The following DOCK3 variants were observed in gnomAD, a reference collection of about 807,000 sequenced individuals.
DOCK3 encodes dedicator of cytokinesis 3, also known as dedicator of cytokinesis protein 3.
DOCK3 carries 60 observed loss-of-function variants against 265.6 expected under a neutral mutation model. The ratio of observed to expected loss-of-function variants is 0.23; its 90% confidence interval spans 0.18 to 0.28. The LOEUF is 0.28. Among genes scored for constraint, DOCK3 ranks in the 10% least tolerant of loss-of-function variants. The pLI, the probability that DOCK3 is intolerant of heterozygous loss-of-function variation, is 1.00. For synonymous variants in DOCK3, 881 were observed against 938.0 expected, an observed-to-expected ratio of 0.94 and a Z score of 1.11; for missense variants, 1,981 against 2,594.3, an observed-to-expected ratio of 0.76 and a Z score of 5.14.
intron 5 of DOCK3, among the ~76,000 whole-genome samples, chr3:51,031,078 A>G (rs2080028530): frequency 6.6e-6 from 1 of 152,220 alleles, no homozygotes; most frequent in Non-Finnish European, 1.5e-5. Context: ...GGGCGGCTGG[A>G]AACTATCATC....
intron 1 of DOCK3, among the ~76,000 whole-genome samples, chr3:50,724,941 C>T (rs562777129): frequency 1.4e-4 from 21 of 151,262 alleles, no homozygotes; most frequent in South Asian, 6.3e-4. Flanking sequence ...TGCAGTGAGC[C>T]GAGATAGTGC....
chr3:50,743,498 G>T (rs1271590740), intron 1 of DOCK3, among the ~76,000 whole-genome samples: 1 of 148,728 alleles, frequency 6.7e-6, no homozygotes, highest in Non-Finnish European at 1.5e-5. Flanking sequence ...GATGGAGGAA[G>T]ATCTACCAAG....
At chr3:50,978,705 T>C (rs1394274778) in intron 5 of DOCK3, among the ~76,000 whole-genome samples, 1 of 152,242 alleles carries the variant, frequency 6.6e-6, no homozygotes, top group African/African-American at 2.4e-5. Context: ...TTTGTTTACC[T>C]AAGCAAGCCT....
intron 27 of DOCK3, among the ~76,000 whole-genome samples, chr3:51,293,727 A>G (rs145709863): frequency 1.4e-4 from 21 of 152,354 alleles, no homozygotes; most frequent in African/African-American, 5.0e-4. Context: ...AGGGACTAAT[A>G]TCCAAAATAT....
chr3:51,225,359 C>T (rs1212089971), intron 14 of DOCK3, among the ~76,000 whole-genome samples: 5 of 152,164 alleles, frequency 3.3e-5, no homozygotes, highest in African/African-American at 1.2e-4. Flanking sequence ...AGCCATTCTC[C>T]TGGAGGGGAG....
chr3:51,095,236 T>C (rs2082796288), intron 9 of DOCK3, among the ~76,000 whole-genome samples: 1 of 152,204 alleles, frequency 6.6e-6, no homozygotes, highest in Non-Finnish European at 1.5e-5. Context: ...CATTCGTTGA[T>C]ACAGTTTCTT....
Position 51,359,606 on chromosome 3 carries a change from T to A in DOCK3, c.4885-905T>A, listed in dbSNP as rs1321908826. 2.0e-5 allele frequency among the ~76,000 whole-genome samples: 3 copies of A among 152,246 alleles called. No homozygotes were observed. Among genetic ancestry groups the A allele is most frequent in the Admixed American group, 6.5e-5 (1 of 15,282 alleles). The stretch of plus-strand genomic sequence containing the variant: ...ATCACAGCAGGTGACCCAAGCAGGC[T>A]GGAGCCTGGCCAGTGAGGAGGTTCT... On this transcript the variant is annotated intron_variant, in intron 46 of 52. Transcript: ENST00000266037. This position sits in a 1 kb window ranked among gnomAD's most constrained non-coding sequence, Gnocchi z 4.8.
At chr3:51,338,280 C>A in intron 35 of DOCK3, 79 bp from the exon 36 acceptor site, 1 of 1,485,084 alleles carries the variant, frequency 6.7e-7, no homozygotes, top group Non-Finnish European at 9.2e-7. Flanking sequence ...CATACTAATG[C>A]CCCAGTGATA....
chr3:51,049,483 C>G (rs1174292586), intron 5 of DOCK3, among the ~76,000 whole-genome samples: 1 of 152,098 alleles, frequency 6.6e-6, no homozygotes, highest in Non-Finnish European at 1.5e-5. Flanking sequence ...AAATGGCTAG[C>G]TAACTTTATG....
At chr3:50,795,246 C>A (rs1402305517) in intron 2 of DOCK3, among the ~76,000 whole-genome samples, 2 of 152,226 alleles carry the variant, frequency 1.3e-5, no homozygotes, top group East Asian at 3.9e-4. Flanking sequence ...TACTGGGGTT[C>A]TCTGCATTTC....
At chr3:50,808,447 A>G (rs1415191977) in intron 2 of DOCK3, among the ~76,000 whole-genome samples, 1 of 152,226 alleles carries the variant, frequency 6.6e-6, no homozygotes, top group East Asian at 1.9e-4. Context: ...ATGGTACCAG[A>G]TATCAAGATT....
chr3:50,938,191 A>C (rs935385058), intron 5 of DOCK3, among the ~76,000 whole-genome samples: 2 of 152,134 alleles, frequency 1.3e-5, no homozygotes, highest in Non-Finnish European at 2.9e-5. Flanking sequence ...CCAGGGAAAA[A>C]GGGACATTAT....
intron 2 of DOCK3, among the ~76,000 whole-genome samples, chr3:50,801,340 T>A (rs1288931708): frequency 1.3e-5 from 2 of 152,034 alleles, no homozygotes; most frequent in Non-Finnish European, 2.9e-5. Flanking sequence ...GGAAAAATGG[T>A]TATGGCAGAG....
At chr3:51,168,977 A>C (rs2086542253) in intron 12 of DOCK3, among the ~76,000 whole-genome samples, 1 of 151,428 alleles carries the variant, frequency 6.6e-6, no homozygotes, top group Non-Finnish European at 1.5e-5. Flanking sequence ...CAACAAGCAT[A>C]TGAAAAAAAG....
At chr3:50,845,632 A>T (rs1037843287) in intron 3 of DOCK3, among the ~76,000 whole-genome samples, 1 of 152,212 alleles carries the variant, frequency 6.6e-6, no homozygotes. Context: ...CACTTTGGCA[A>T]CAGGGAATCT....
intron 12 of DOCK3, 68 bp downstream of exon 12, chr3:51,160,770 T>G: frequency 6.5e-7 from 1 of 1,541,354 alleles, no homozygotes; most frequent in Non-Finnish European, 8.8e-7. Context: ...CCCTTGAGAG[T>G]AGTAGTGCTC....
chr3:51,060,257 C>T (rs2081365689), intron 5 of DOCK3, among the ~76,000 whole-genome samples: 1 of 152,030 alleles, frequency 6.6e-6, no homozygotes, highest in Non-Finnish European at 1.5e-5. Flanking sequence ...GGCCAATTCT[C>T]AGTTCATATT....
At chr3:51,205,914 A>G (rs772772912) in intron 12 of DOCK3, among the ~76,000 whole-genome samples, 21 of 152,220 alleles carry the variant, frequency 1.4e-4, no homozygotes, top group Non-Finnish European at 2.8e-4. Flanking sequence ...AGTCTTGGCA[A>G]TCTGCAAATG....
intron 49 of DOCK3, among the ~76,000 whole-genome samples, chr3:51,366,780 T>G (rs1576956545): frequency 6.6e-6 from 1 of 152,252 alleles, no homozygotes; most frequent in African/African-American, 2.4e-5. Context: ...TTGTTCAGTT[T>G]CCATGTAGTT....
Sources: gnomAD v4.1 joint callset for allele counts (sites outside exome capture counted in the v4.1 genomes callset) on GRCh38, gnomAD v4.1.1 for gene constraint, Gnocchi (gnomAD v3.1) non-coding constraint, MANE v1.5 for transcripts, NCBI Gene and HGNC (gene_info 2026-07-23, HGNC 2026-07-21) for gene names.